ARVCF: variants seen among roughly 807,000 people sequenced by gnomAD.
The protein encoded by ARVCF is splicing regulator ARVCF.
ARVCF carries 66 observed loss-of-function variants against 90.9 expected under a neutral mutation model. The observed-to-expected ratio is 0.73, with a 90% CI of 0.60 to 0.89. ARVCF has a LOEUF of 0.89. Among genes scored for constraint, ARVCF ranks in the 40% least tolerant of loss-of-function variants. The probability of loss-of-function intolerance (pLI) is 0.00; values close to 1 mark genes in which losing one functional copy is unlikely to be tolerated. For synonymous variants in ARVCF, 653 were observed against 603.4 expected (o/e 1.08, Z -1.21); for missense variants, 1,469 against 1,382.3 (o/e 1.06, Z -1.00).
At chr22:20,016,339 C>A (rs978018230) in intron 1 of ARVCF, among the ~76,000 whole-genome samples, 14 of 152,152 alleles carry the variant, frequency 9.2e-5, no homozygotes, top group Non-Finnish European at 1.3e-4. Flanking sequence ...CAAGGCCACG[C>A]ACAAAGAGAC....
intron 2 of ARVCF, among the ~76,000 whole-genome samples, chr22:19,993,215 G>A (rs1277019166): frequency 6.6e-6 from 1 of 152,086 alleles, no homozygotes; most frequent in Non-Finnish European, 1.5e-5. Flanking sequence ...AGCAACCCGG[G>A]ATATGCTCCA....
chr22:19,982,745 C>G (rs1943574394), intron 3 of ARVCF, among the ~76,000 whole-genome samples: 1 of 152,228 alleles, frequency 6.6e-6, no homozygotes, highest in Non-Finnish European at 1.5e-5. Context: ...CCTTCCAGCC[C>G]AGACATTCTT....
downstream of ARVCF, chr22:19,967,406 T>TC (rs113895332): frequency 6.3e-6 from 3 of 474,252 alleles, no homozygotes; most frequent in African/African-American, 6.0e-5. Flanking sequence ...TTTTTTTTTT[T>TC]CTAAATGAAA....
intron 10 of ARVCF, 136 bp from the exon 11 acceptor site, chr22:19,975,893 G>A (rs1270411328): frequency 1.3e-5 from 11 of 834,404 alleles, no homozygotes; most frequent in Non-Finnish European, 1.7e-5. Context: ...CTGTGGGAGT[G>A]GAGCACCGTT....
At chr22:20,004,901 A>G (rs1944565747) in intron 2 of ARVCF, among the ~76,000 whole-genome samples, 1 of 152,224 alleles carries the variant, frequency 6.6e-6, no homozygotes, top group South Asian at 2.1e-4. Context: ...AAAATAGATG[A>G]AAGATCTAAA....
chr22:19,974,117 A>T lies in ARVCF; in HGVS notation c.2083T>A (p.Trp695Arg), dbSNP rs1256760541. ...TGCCCGACCTGGTCCCTCACCATCC[A>T]GTTGCCGGCACTGAGGTTCTGCAGA... Reference protein sequence around the residue: ...GALQNLSAGNWMWATYIRATV... With the variant: ...GALQNLSAGNRMWATYIRATV... The change falls in exon 12 of 20, where the codon TGG becomes AGG. Residue 695 changes from tryptophan (W) to arginine (R), a missense_variant. Coordinates refer to ENST00000263207, the MANE Select transcript of ARVCF (RefSeq NM_001670.3). 6.2e-7 allele frequency: 1 copy of T among 1,609,352 alleles called. No individual in the cohort carries two copies. Among genetic ancestry groups the T allele is most frequent in the Middle Eastern group, 1.7e-4 (1 of 5,976 alleles).
chr22:19,978,777 C>A, intron 7 of ARVCF, 120 bp downstream of exon 7: 1 of 1,227,604 alleles, frequency 8.1e-7, no homozygotes, highest in Non-Finnish European at 1.1e-6. Context: ...ACTTGTGCCA[C>A]AGCTCTGAAG....
chr22:20,001,069 T>G lies in ARVCF; in HGVS notation c.-19+9386A>C, dbSNP rs531486539. Among the ~76,000 whole-genome samples the G allele has an allele frequency of 1.2e-3, 178 of 152,218 alleles. 2 individuals carry two copies. Among genetic ancestry groups the G allele is most frequent in the African/African-American group, 4.1e-3 (171 of 41,534 alleles). On this transcript the variant is annotated intron_variant, in intron 2 of 19. Transcript: ENST00000263207. ...TCGTCCACACCCATATGGCTGCTGC[T>G]TATCCCACCTAGAAGTCCCGACAGG...
At position 19,982,106 on chromosome 22, in the gene ARVCF, G is replaced by A; in HGVS notation, c.211-15C>T. On this transcript the variant is annotated splice_polypyrimidine_tract_variant and intron_variant, in intron 3 of 19. Transcript: ENST00000263207. The stretch of plus-strand genomic sequence containing the variant: ...GGGCTCTGCTCCTGGGGCAAGGAGG[G>A]ACATTGGTGGGCAGGCCTGCTGCTC... The A allele has an allele frequency of 6.2e-7, 1 of 1,608,834 alleles. No individual in the cohort carries two copies. Among genetic ancestry groups the A allele is most frequent in the South Asian group, 1.1e-5 (1 of 91,026 alleles).
chr22:19,981,684 C>A lies in ARVCF; in HGVS notation c.423G>T (p.Val141=). 6.2e-7 allele frequency: 1 copy of A among 1,602,180 alleles called. No homozygotes were observed. ...VTTRTVRQVP[V]GPDGLPLLDG... is the part of the protein sequence containing the mutation. ...CCAGCAGGGGGAGTCCATCTGGGCC[C>A]ACGGGCACCTGGCGTACTGTCCGAG... Residue 141 remains valine, a synonymous_variant, in exon 5 of 20, where the codon GTG becomes GTT. Coordinates refer to ENST00000263207, the MANE Select transcript of ARVCF (RefSeq NM_001670.3).
chr22:20,008,549 G>A (rs1023494692), intron 2 of ARVCF, among the ~76,000 whole-genome samples: 4 of 152,246 alleles, frequency 2.6e-5, no homozygotes, highest in Non-Finnish European at 5.9e-5. Flanking sequence ...TGCCTGTGAT[G>A]CCCAGGACCC....
At chr22:19,997,953 T>A (rs1445121090) in intron 2 of ARVCF, among the ~76,000 whole-genome samples, 1 of 151,688 alleles carries the variant, frequency 6.6e-6, no homozygotes, top group Non-Finnish European at 1.5e-5. Flanking sequence ...GGAGGCGGGG[T>A]GTAAAAGGCC....
chr22:19,974,787 G>A (rs184062534), intron 11 of ARVCF, among the ~76,000 whole-genome samples: 1 of 152,094 alleles, frequency 6.6e-6, no homozygotes, highest in Non-Finnish European at 1.5e-5. Flanking sequence ...AACTGATGCA[G>A]TGCAACCAGG....
chr22:20,005,078 C>T (rs1389359227), intron 2 of ARVCF, among the ~76,000 whole-genome samples: 2 of 152,038 alleles, frequency 1.3e-5, no homozygotes, highest in East Asian at 3.8e-4. Context: ...TCAAAGGACA[C>T]AATCAATATA....
chr22:19,979,761 C>G lies in ARVCF; in HGVS notation c.1378G>C (p.Val460Leu). ...CACTCACCAGTGACAAGCTCACGGACCTCGTTGTCCCGGGCAGCCCTCAGC... is the reference window on the plus strand; with the variant it reads ...CACTCACCAGTGACAAGCTCACGGAGCTCGTTGTCCCGGGCAGCCCTCAGC... The part of the protein sequence containing the change: ...RLLRAARDNE[V>L]RELVTGTLWN... Residue 460 changes from valine (V) to leucine (L), a missense_variant, in exon 6 of 20, where the codon GTC becomes CTC. By Grantham distance (32) the Val-to-Leu change is conservative. Transcript: ENST00000263207. 5.0e-6 allele frequency: 8 copies of G among 1,601,918 alleles called. No individual in the cohort carries two copies. Among genetic ancestry groups the G allele is most frequent in the Non-Finnish European group, 6.8e-6 (8 of 1,172,614 alleles).
At chr22:19,982,313 C>T (rs963497946) in intron 3 of ARVCF, among the ~76,000 whole-genome samples, 3 of 152,220 alleles carry the variant, frequency 2.0e-5, no homozygotes, top group African/African-American at 7.2e-5. Context: ...AACCCTGCCC[C>T]GGCACCCCAT....
intron 7 of ARVCF, among the ~76,000 whole-genome samples, chr22:19,978,374 C>T (rs1408417772): frequency 6.6e-6 from 1 of 152,134 alleles, no homozygotes; most frequent in Non-Finnish European, 1.5e-5. Flanking sequence ...CTCAGAGAGA[C>T]CTGAACCTGT....
At chr22:19,987,162 C>T (rs112817225) in intron 3 of ARVCF, 3 of 448,906 alleles carry the variant, frequency 6.7e-6, no homozygotes, top group Middle Eastern at 4.0e-4. Context: ...TCGGCTCCGG[C>T]GCCTCGGCCG....
chr22:19,988,782 C>G (rs1943914974), intron 3 of ARVCF, among the ~76,000 whole-genome samples: 1 of 152,144 alleles, frequency 6.6e-6, no homozygotes, highest in South Asian at 2.1e-4. Context: ...GTATCCTCAT[C>G]AGCCCAGCCA....
Sources: gnomAD v4.1 joint callset for allele counts (sites outside exome capture counted in the v4.1 genomes callset) on GRCh38, gnomAD v4.1.1 for gene constraint, MANE v1.5 for transcripts, NCBI Gene and HGNC (gene_info 2026-07-23, HGNC 2026-07-21) for gene names.